The following MYO1D variants were observed in gnomAD, a reference collection of about 807,000 sequenced individuals.
MYO1D encodes unconventional myosin-Id.
A neutral mutation model predicts 122.0 loss-of-function variants in MYO1D; 83 were observed. The observed-to-expected ratio is 0.68, with a 90% CI of 0.57 to 0.82. The LOEUF is 0.82. Ranked by LOEUF, MYO1D falls within the 40% of genes least tolerant of loss-of-function variation. The pLI is 0.00. For missense variants in MYO1D, 1,157 were observed against 1,269.5 expected, an observed-to-expected ratio of 0.91 and a Z score of 1.35; for synonymous variants, 464 against 446.9, an observed-to-expected ratio of 1.04 and a Z score of -0.48.
At chr17:32,560,921 T>C (rs571386582) in intron 21 of MYO1D, among the ~76,000 whole-genome samples, 2 of 151,078 alleles carry the variant, frequency 1.3e-5, no homozygotes, top group East Asian at 3.9e-4. Flanking sequence ...CGTGGCTTTT[T>C]TTTTTTTTTT....
intron 21 of MYO1D, among the ~76,000 whole-genome samples, chr17:32,552,868 A>G (rs987064423): frequency 1.7e-4 from 26 of 152,184 alleles, no homozygotes; most frequent in African/African-American, 4.6e-4. Flanking sequence ...CCTGACACCC[A>G]AGTAAATTAA....
intron 21 of MYO1D, among the ~76,000 whole-genome samples, chr17:32,521,181 C>G (rs1049361905): frequency 6.6e-6 from 1 of 152,170 alleles, no homozygotes. Flanking sequence ...TACTGATTTC[C>G]TAAAGACCCC....
chr17:32,732,755 A>C (rs1598048880), intron 14 of MYO1D, among the ~76,000 whole-genome samples: 2 of 152,234 alleles, frequency 1.3e-5, no homozygotes, highest in Non-Finnish European at 2.9e-5. Flanking sequence ...TAACACAAAC[A>C]GGGCTGAAAC....
At chr17:32,539,196 C>G (rs1308113194) in intron 21 of MYO1D, among the ~76,000 whole-genome samples, 1 of 151,594 alleles carries the variant, frequency 6.6e-6, no homozygotes, top group Non-Finnish European at 1.5e-5. Flanking sequence ...AATGCCAGCA[C>G]TTTGGGAGGC....
chr17:32,565,408 C>CCCCCTAAA (rs1449921054), intron 21 of MYO1D, among the ~76,000 whole-genome samples: 4 of 152,308 alleles, frequency 2.6e-5, no homozygotes, highest in South Asian at 4.1e-4. Context: ...ATGCAGCTCC[C>CCCCCTAAA]ACCTCCATCC....
rs781319401 is a variant in MYO1D at position 32,876,888 on chromosome 17, G to T, written c.-16C>A. ...GCTCCGCCATGGCGCCAGCGCGGGG[G>T]CTCAGGTGGGCGCGCTCGGGCCTCC... On this transcript the variant is annotated 5_prime_UTR_variant, in exon 1 of 22. Transcript: ENST00000318217. The T allele has an allele frequency of 1.4e-5, 21 of 1,457,470 alleles. No homozygotes were observed. Among genetic ancestry groups the T allele is most frequent in the Middle Eastern group, 1.8e-4 (1 of 5,648 alleles). The allele number at this position is 1,457,470 out of a possible 1,614,324, so 90.3% of individuals were successfully genotyped here.
intron 21 of MYO1D, among the ~76,000 whole-genome samples, chr17:32,544,341 T>A (rs1184614168): frequency 1.3e-5 from 2 of 152,100 alleles, no homozygotes; most frequent in Non-Finnish European, 2.9e-5. Flanking sequence ...GTTCAAGCGA[T>A]CTTCCTGTCT....
chr17:32,679,503 T>G (rs915329373), intron 16 of MYO1D, among the ~76,000 whole-genome samples: 1 of 152,034 alleles, frequency 6.6e-6, no homozygotes, highest in African/African-American at 2.4e-5. Flanking sequence ...CCAGCACCAT[T>G]TATTAAATAG....
intron 1 of MYO1D, among the ~76,000 whole-genome samples, chr17:32,838,369 C>T (rs1256573766): frequency 6.6e-6 from 1 of 152,180 alleles, no homozygotes; most frequent in Non-Finnish European, 1.5e-5. Flanking sequence ...TGCTTCTGGA[C>T]TGTCTTTTCA....
intron 21 of MYO1D, among the ~76,000 whole-genome samples, chr17:32,511,605 C>G (rs927198575): frequency 2.1e-5 from 3 of 143,590 alleles, no homozygotes; most frequent in Non-Finnish European, 4.6e-5. Context: ...CTGTATTGAA[C>G]TTTTTTTTTT....
intron 14 of MYO1D, among the ~76,000 whole-genome samples, chr17:32,732,428 G>C (rs938751820): frequency 5.3e-5 from 8 of 152,152 alleles, no homozygotes; most frequent in Non-Finnish European, 1.0e-4. Flanking sequence ...GCAGACAATG[G>C]GATAACCTGC....
intron 20 of MYO1D, among the ~76,000 whole-genome samples, chr17:32,628,173 A>G (rs2087952799): frequency 6.6e-6 from 1 of 152,228 alleles, no homozygotes; most frequent in Admixed American, 6.5e-5. Context: ...CCCTGTAAAA[A>G]TTTTAACCTT....
At chr17:32,542,613 TA>T (rs67238143) in intron 21 of MYO1D, among the ~76,000 whole-genome samples, 2,143 of 124,736 alleles carry the variant, frequency 0.017, 44 homozygotes, top group African/African-American at 0.048. Context: ...GAGGTAACGC[TA>T]AAAAAAAAAA....
intron 8 of MYO1D, among the ~76,000 whole-genome samples, chr17:32,764,100 TGTG>T (rs1406492361): frequency 6.6e-6 from 1 of 152,158 alleles, no homozygotes; most frequent in Non-Finnish European, 1.5e-5. Context: ...TTAAATAAAT[TGTG>T]GTACTATCAC....
intron 1 of MYO1D, among the ~76,000 whole-genome samples, chr17:32,802,751 AC>A (rs1433791003): frequency 6.6e-6 from 1 of 152,334 alleles, no homozygotes. Context: ...ACATATATAT[AC>A]ATACAGATAA....
intron 21 of MYO1D, among the ~76,000 whole-genome samples, chr17:32,536,361 T>C (rs1056083059): frequency 1.3e-5 from 2 of 152,178 alleles, no homozygotes; most frequent in African/African-American, 4.8e-5. Flanking sequence ...AATTCTATTA[T>C]TTTCTAGGTC....
intron 19 of MYO1D, among the ~76,000 whole-genome samples, chr17:32,645,169 T>C (rs910249766): frequency 9.2e-5 from 14 of 152,324 alleles, no homozygotes; most frequent in Middle Eastern, 3.4e-3. Flanking sequence ...CCTTCACTTA[T>C]GAAGCTTAGT....
rs544659460 is a variant in MYO1D at position 32,717,648 on chromosome 17, T to C, written c.1913+3375A>G. Among the ~76,000 whole-genome samples the C allele has an allele frequency of 1.6e-4, 24 of 152,326 alleles. No individual in the cohort carries two copies. In the East Asian group the frequency reaches 4.2e-3, roughly 27 times the overall value. On this transcript the variant is annotated intron_variant, in intron 15 of 21. Coordinates refer to ENST00000318217, the MANE Select transcript of MYO1D (RefSeq NM_015194.3). ...TTGACACAGAATACAATTCTAGGCATGAAAGCCCTTTCCTTACACTGTGAA... is the reference window on the plus strand; with the variant it reads ...TTGACACAGAATACAATTCTAGGCACGAAAGCCCTTTCCTTACACTGTGAA...
At chr17:32,677,873 T>A (rs1467054473) in intron 16 of MYO1D, among the ~76,000 whole-genome samples, 2 of 152,062 alleles carry the variant, frequency 1.3e-5, no homozygotes, top group Non-Finnish European at 2.9e-5. Context: ...CTGCCCTTCT[T>A]TTTTGTCTTT....
Sources: allele counts gnomAD v4.1 joint callset (sites outside exome capture counted in the v4.1 genomes callset), GRCh38; gene constraint gnomAD v4.1.1; transcripts MANE v1.5; gene names NCBI Gene and HGNC (gene_info 2026-07-23, HGNC 2026-07-21).